Variants in LIMCH1 observed in about 807,000 individuals in gnomAD.
LIMCH1 encodes LIM and calponin homology domains-containing protein 1.
In LIMCH1, 113 loss-of-function variants were observed where a neutral mutation model predicts 176.5. That is an observed-to-expected ratio of 0.64 (90% confidence interval 0.55 to 0.75). LIMCH1 has a LOEUF of 0.75. Ranked by LOEUF, LIMCH1 falls within the 30% of genes least tolerant of loss-of-function variation. The pLI is 0.00. For synonymous variants in LIMCH1, 619 were observed against 645.9 expected (o/e 0.96, Z 0.63); for missense variants, 1,674 against 1,814.9 (o/e 0.92, Z 1.41).
intron 1 of LIMCH1, among the ~76,000 whole-genome samples, chr4:41,397,266 T>C (rs1054864009): frequency 9.9e-5 from 15 of 152,234 alleles, no homozygotes; most frequent in Non-Finnish European, 1.9e-4. Flanking sequence ...CGCCTGAGAA[T>C]GAAATTAGTA....
At chr4:41,534,716 A>G (rs2077689436), upstream of LIMCH1, among the ~76,000 whole-genome samples, 1 of 152,062 alleles carries the variant, frequency 6.6e-6, no homozygotes, top group Admixed American at 6.6e-5. Flanking sequence ...TTTTTCTATA[A>G]CCACTATGAA....
chr4:41,530,822 T>TAAAAAAA lies in LIMCH1; in HGVS notation c.237+6344_237+6345insAAAAAAA, dbSNP rs1345989713. On this transcript the variant is annotated intron_variant, in intron 3 of 26. Transcript: ENST00000313860. Reference sequence around the variant, plus strand: ...AAAAAAAAAAAAAAAAAAAAAAATTTTTTTTTTTTTTTTTTTTTGGCCAGG... The same window carrying TAAAAAAA: ...AAAAAAAAAAAAAAAAAAAAAAATTTAAAAAAATTTTTTTTTTTTTTTTTTGGCCAGG... Among the ~76,000 whole-genome samples, 311 of 73,604 alleles carry TAAAAAAA rather than the reference T, an allele frequency of 4.2e-3. 2 individuals are homozygous for TAAAAAAA. Among genetic ancestry groups the TAAAAAAA allele is most frequent in the African/African-American group, 0.017 (185 of 11,198 alleles). 48.3% of individuals were successfully genotyped at this position (73,604 alleles called of 152,430 possible).
Position 41,523,236 on chromosome 4 carries a change from A to C in LIMCH1, c.168-1173A>C, listed in dbSNP as rs2076296068. 1.3e-5 allele frequency among the ~76,000 whole-genome samples: 2 copies of C among 152,210 alleles called. 1 individual carries two copies. Among genetic ancestry groups the C allele is most frequent in the Admixed American group, 1.3e-4 (2 of 15,280 alleles). ...ATTTGTTATAACCTTGGATTGCATG[A>C]ATTTTAACAGAGGTCAGCAAACTTT... On this transcript the variant is annotated intron_variant, in intron 2 of 26. Coordinates refer to the LIMCH1 transcript ENST00000313860.
At chr4:41,494,660 T>C (rs1583105366) in intron 2 of LIMCH1, 2 of 1,164,314 alleles carry the variant, frequency 1.7e-6, no homozygotes, top group East Asian at 2.4e-5. Context: ...ATTAATACTA[T>C]CCAGTTTGGC....
chr4:41,643,468 A>G (rs146188178), intron 14 of LIMCH1, among the ~76,000 whole-genome samples: 1 of 152,300 alleles, frequency 6.6e-6, no homozygotes, highest in Non-Finnish European at 1.5e-5. Flanking sequence ...CATTTCTTTG[A>G]AAGAAAAATA....
At chr4:41,581,553 TC>T (rs2085441099) in intron 1 of LIMCH1, among the ~76,000 whole-genome samples, 2 of 152,062 alleles carry the variant, frequency 1.3e-5, no homozygotes, top group African/African-American at 2.4e-5. Context: ...ACACCTGTAA[TC>T]CCAGCACTTT....
intron 2 of LIMCH1, 169 bp downstream of exon 2, chr4:41,599,195 T>C: frequency 1.9e-6 from 1 of 537,536 alleles, no homozygotes; most frequent in Non-Finnish European, 3.4e-6. Context: ...TTTCCCTCTG[T>C]GCATAGCTTT....
rs762606896 is a variant in LIMCH1 at position 41,684,477 on chromosome 4, C to T, written c.3926C>T (p.Ala1309Val). The T allele has an allele frequency of 6.2e-7, 1 of 1,613,776 alleles. No individual in the cohort carries two copies. Among genetic ancestry groups the T allele is most frequent in the Non-Finnish European group, 8.5e-7 (1 of 1,179,834 alleles). ...GAAGACCATCAGCTGGATACCGAGGCTGGGGCCCCACACTGTGGAACAAAC... is the reference window on the plus strand; with the variant it reads ...GAAGACCATCAGCTGGATACCGAGGTTGGGGCCCCACACTGTGGAACAAAC... ...VHEDHQLDTE[A>V]GAPHCGTNPQ... The change falls in exon 27 of 32, where the codon GCT (alanine) becomes GTT (valine). Residue 1309 changes from alanine (A) to valine (V), a missense_variant. Physicochemically the swap from Ala to Val is moderately conservative, Grantham distance 64. This residue lies in a region of LIMCH1 where 1,015 missense variants were observed against 1,102.5 expected (regional missense o/e 0.92). Transcript: ENST00000503057.
intron 2 of LIMCH1, among the ~76,000 whole-genome samples, 159 bp from the exon 3 acceptor site, chr4:41,603,716 A>G (rs2090301780): frequency 1.3e-5 from 2 of 152,200 alleles, no homozygotes; most frequent in Non-Finnish European, 2.9e-5. Context: ...AACTTTATTC[A>G]GTGCCCGAAA....
intron 1 of LIMCH1, among the ~76,000 whole-genome samples, chr4:41,378,273 G>T (rs2055080319): frequency 6.6e-6 from 1 of 152,190 alleles, no homozygotes. Context: ...AACTAAATGG[G>T]CTGGGCTCAG....
chr4:41,373,070 G>A (rs1341677028), intron 1 of LIMCH1, among the ~76,000 whole-genome samples: 1 of 152,208 alleles, frequency 6.6e-6, no homozygotes, highest in African/African-American at 2.4e-5. Flanking sequence ...AAGGATGGAC[G>A]CTGAGCACAG....
At chr4:41,474,581 C>A (rs2067455053) in intron 1 of LIMCH1, among the ~76,000 whole-genome samples, 1 of 152,164 alleles carries the variant, frequency 6.6e-6, no homozygotes, top group South Asian at 2.1e-4. Flanking sequence ...ATATGCTCAA[C>A]ACCTCTAATC....
intron 5 of LIMCH1, among the ~76,000 whole-genome samples, chr4:41,615,377 G>A (rs2091948639): frequency 6.6e-6 from 1 of 152,080 alleles, no homozygotes; most frequent in Admixed American, 6.5e-5. Flanking sequence ...ATACTAATAT[G>A]TATGAAGTAC....
chr4:41,534,231 T>A (rs566349697), upstream of LIMCH1, among the ~76,000 whole-genome samples: 4 of 152,308 alleles, frequency 2.6e-5, no homozygotes, highest in South Asian at 8.3e-4. Context: ...TACTTTTCAC[T>A]AAATGTAATA....
chr4:41,388,352 AC>A (rs1230477396), intron 1 of LIMCH1, among the ~76,000 whole-genome samples: 7 of 152,230 alleles, frequency 4.6e-5, no homozygotes, highest in African/African-American at 1.7e-4. Context: ...AACCTCAAAA[AC>A]ATTATGCTAA....
At chr4:41,617,755 A>G (rs1399101536) in intron 5 of LIMCH1, among the ~76,000 whole-genome samples, 1 of 152,220 alleles carries the variant, frequency 6.6e-6, no homozygotes, top group Admixed American at 6.5e-5. Context: ...CTCCAGGGCA[A>G]ATCATTTTAT....
At position 41,521,685 on chromosome 4, in the gene LIMCH1, T is replaced by A. The variant is rs555710722; in HGVS notation, c.168-2724T>A. 3.9e-5 allele frequency among the ~76,000 whole-genome samples: 6 copies of A among 152,254 alleles called. No homozygotes were observed. In the South Asian group the frequency reaches 1.2e-3, roughly 32 times the overall value. Reference sequence around the variant, plus strand: ...ACACTGGATTGGAGCAGTGTTTACCTGAAAAAAAATACAGCTGTCTTAGTC... The same window carrying A: ...ACACTGGATTGGAGCAGTGTTTACCAGAAAAAAAATACAGCTGTCTTAGTC... On this transcript the variant is annotated intron_variant, in intron 2 of 26. Coordinates refer to the LIMCH1 transcript ENST00000313860.
intron 4 of LIMCH1, among the ~76,000 whole-genome samples, chr4:41,610,652 G>C (rs550682490): frequency 6.6e-6 from 1 of 152,146 alleles, no homozygotes; most frequent in Non-Finnish European, 1.5e-5. Context: ...TGAGACAGGC[G>C]TTATTATTAG....
chr4:41,694,903 G>T (rs1378289317), intron 31 of LIMCH1, among the ~76,000 whole-genome samples: 1 of 151,892 alleles, frequency 6.6e-6, no homozygotes, highest in African/African-American at 2.4e-5. Context: ...ATCAGCTCTG[G>T]ATATCATCAA....
Sources: allele counts gnomAD v4.1 joint callset (sites outside exome capture counted in the v4.1 genomes callset), GRCh38; gene constraint gnomAD v4.1.1; regional missense constraint gnomAD v4.1.1; transcripts MANE v1.5; gene names NCBI Gene and HGNC (gene_info 2026-07-23, HGNC 2026-07-21).